Variants in ARB2A observed in about 807,000 individuals in gnomAD.
The protein encoded by ARB2A is ARB2 cotranscriptional regulator A.
At chr5:93,848,864 T>C in the ARB2A span, among the ~76,000 whole-genome samples, 2 of 152,180 alleles carry the variant, frequency 1.3e-5, no homozygotes, top group Non-Finnish European at 2.9e-5. Flanking sequence ...CAATAACTAA[T>C]TAACAAAGTA....
the ARB2A span, chr5:93,734,524 C>G: frequency 6.6e-6 from 1 of 152,144 alleles, no homozygotes; most frequent in Non-Finnish European, 1.5e-5. Context: ...TGCTTATACT[C>G]TAAAGGGGCT....
the ARB2A span, among the ~76,000 whole-genome samples, chr5:93,670,692 T>C: frequency 6.6e-6 from 1 of 152,256 alleles, no homozygotes. Context: ...CATTTAGTTA[T>C]GCCTAATGAG....
the ARB2A span, among the ~76,000 whole-genome samples, chr5:93,709,361 G>A: frequency 8.4e-4 from 128 of 151,968 alleles, no homozygotes; most frequent in Middle Eastern, 0.01. Context: ...AGGGCCAGGC[G>A]CGGTGGCTCA....
At chr5:93,913,281 A>G in the ARB2A span, among the ~76,000 whole-genome samples, 1 of 151,920 alleles carries the variant, frequency 6.6e-6, no homozygotes, top group Non-Finnish European at 1.5e-5. Context: ...CCAGGAGAAA[A>G]GTCAGTTTTG....
chr5:93,731,185 C>T, the ARB2A span, among the ~76,000 whole-genome samples: 1 of 152,008 alleles, frequency 6.6e-6, no homozygotes, highest in Non-Finnish European at 1.5e-5. Flanking sequence ...GTGTTGAAGT[C>T]CCAAGCTCCA....
the ARB2A span, among the ~76,000 whole-genome samples, chr5:94,067,166 A>C: frequency 1.3e-5 from 2 of 152,188 alleles, no homozygotes; most frequent in Admixed American, 1.3e-4. Flanking sequence ...ACTCTCAACA[A>C]AGTAGGCATT....
chr5:93,912,531 C>T, the ARB2A span, among the ~76,000 whole-genome samples: 1 of 151,622 alleles, frequency 6.6e-6, no homozygotes, highest in Non-Finnish European at 1.5e-5. Context: ...TATAATAACA[C>T]TTCAAAAACA....
chr5:93,830,683 AAC>A, the ARB2A span, among the ~76,000 whole-genome samples: 1 of 152,018 alleles, frequency 6.6e-6, no homozygotes, highest in African/African-American at 2.4e-5. Context: ...GTTTTCTTAC[AAC>A]AGACTTTAGT....
the ARB2A span, among the ~76,000 whole-genome samples, chr5:93,909,734 T>C: frequency 6.6e-6 from 1 of 150,896 alleles, no homozygotes. Context: ...GTTTTTTTGT[T>C]GAAAATATGA....
chr5:93,897,254 C>T, the ARB2A span, among the ~76,000 whole-genome samples: 1 of 151,960 alleles, frequency 6.6e-6, no homozygotes, highest in Non-Finnish European at 1.5e-5. Context: ...AAAGTAGAAG[C>T]TACAACATAA....
the ARB2A span, among the ~76,000 whole-genome samples, chr5:93,697,354 T>C: frequency 2.0e-5 from 3 of 152,160 alleles, no homozygotes; most frequent in African/African-American, 4.8e-5. Context: ...CCTGTAACAA[T>C]TGCTTGCCTT....
At chr5:93,776,334 C>T in the ARB2A span, 4 of 921,258 alleles carry the variant, frequency 4.3e-6, no homozygotes, top group Non-Finnish European at 6.6e-6. Context: ...TAAAATCAAC[C>T]ACTAGAGTGT....
the ARB2A span, among the ~76,000 whole-genome samples, chr5:93,707,567 T>C: frequency 6.6e-6 from 1 of 151,534 alleles, no homozygotes; most frequent in African/African-American, 2.4e-5. Flanking sequence ...TTTCTTTTCT[T>C]TTTTCTTTCT....
the ARB2A span, among the ~76,000 whole-genome samples, chr5:93,874,756 CTT>C: frequency 6.6e-6 from 1 of 152,056 alleles, no homozygotes; most frequent in South Asian, 2.1e-4. Context: ...AAACTGAACT[CTT>C]TAGGCAGATA....
chr5:93,909,255 AAC>A, the ARB2A span, among the ~76,000 whole-genome samples: 1 of 151,142 alleles, frequency 6.6e-6, no homozygotes, highest in Admixed American at 6.6e-5. Flanking sequence ...AGTGGAGAAT[AAC>A]AGTTAGTAAT....
the ARB2A span, among the ~76,000 whole-genome samples, chr5:94,092,331 C>T: frequency 6.6e-6 from 1 of 152,090 alleles, no homozygotes; most frequent in African/African-American, 2.4e-5. Context: ...TCCCTCTGCT[C>T]TTAGGTCTTT....
chr5:93,629,281 T>C, the ARB2A span, among the ~76,000 whole-genome samples: 1 of 152,274 alleles, frequency 6.6e-6, no homozygotes, highest in East Asian at 1.9e-4. Context: ...CCCAAAATAG[T>C]TATAATATTA....
chr5:93,907,396 T>G, the ARB2A span, among the ~76,000 whole-genome samples: 1 of 151,446 alleles, frequency 6.6e-6, no homozygotes, highest in African/African-American at 2.4e-5. Context: ...GATTCTTATT[T>G]TCAGATGTCA....
At chr5:93,685,791 T>C in the ARB2A span, among the ~76,000 whole-genome samples, 1 of 152,170 alleles carries the variant, frequency 6.6e-6, no homozygotes. Context: ...CTTCCTTGCC[T>C]CTTTCTACTT....
Sources: gnomAD v4.1 joint callset for allele counts (sites outside exome capture counted in the v4.1 genomes callset) on GRCh38, gnomAD v4.1.1 for gene constraint, MANE v1.5 for transcripts, NCBI Gene and HGNC (gene_info 2026-07-23, HGNC 2026-07-21) for gene names.